Variants in FNBP1 observed in about 807,000 individuals in gnomAD.
The protein encoded by FNBP1 is formin binding protein 1.
FNBP1 carries 26 observed loss-of-function variants against 90.6 expected under a neutral mutation model. The ratio of observed to expected loss-of-function variants is 0.29; its 90% CI spans 0.21 to 0.40. The LOEUF is 0.40. Ranked by LOEUF, FNBP1 falls within the 10% of genes least tolerant of loss-of-function variation. FNBP1 has a pLI of 1.00. For synonymous variants in FNBP1, 260 were observed against 265.2 expected (o/e 0.98, Z 0.19); for missense variants, 635 against 768.0 (o/e 0.83, Z 2.05).
At chr9:130,037,128 A>G (rs552699) in intron 1 of FNBP1, among the ~76,000 whole-genome samples, 145,271 of 151,524 alleles carry the variant, frequency 0.96, 69,966 homozygotes, top group South Asian at 1. Context: ...AGGCAGAGGC[A>G]GGCAGATCAC....
chr9:129,921,176 A>G (rs2900283), intron 10 of FNBP1, among the ~76,000 whole-genome samples: 132,398 of 152,202 alleles, frequency 0.87, 57,662 homozygotes, highest in East Asian at 0.92. Context: ...TCATATTAAA[A>G]GAACTCTGCA....
At chr9:129,891,153 T>TC (rs113290032) in intron 16 of FNBP1, among the ~76,000 whole-genome samples, 74,727 of 135,340 alleles carry the variant, frequency 0.55, 20,554 homozygotes, top group East Asian at 0.81. Context: ...AGACTCCGTC[T>TC]TAAAAAAAAA....
intron 1 of FNBP1, among the ~76,000 whole-genome samples, chr9:130,035,022 G>T (rs774162557): frequency 6.6e-5 from 10 of 152,148 alleles, no homozygotes; most frequent in Non-Finnish European, 1.5e-4. Flanking sequence ...GGTGACATGT[G>T]CCTGTAATCC....
In FNBP1 at chr9:129,889,514, G is replaced by A. The variant is rs1380156429; in HGVS notation, c.*1025C>T. 5.3e-6 allele frequency: 1 copy of A among 190,204 alleles called. No individual in the cohort carries two copies. Among genetic ancestry groups the A allele is most frequent in the African/African-American group, 2.4e-5 (1 of 42,060 alleles). The allele number at this position is 190,204 out of a possible 1,614,324, so 11.8% of individuals were successfully genotyped here. A position where few individuals can be genotyped will look rare whatever the true frequency, so the allele number is the denominator to read the frequency against. On this transcript the variant is annotated 3_prime_UTR_variant, in exon 17 of 17. Coordinates refer to ENST00000446176, the MANE Select transcript of FNBP1 (RefSeq NM_015033.3). The stretch of plus-strand genomic sequence containing the variant: ...GAACCCAGGAGGTGGAGGTTGTAGT[G>A]AGCCGAGATCATGCCACTGCACTCC...
At chr9:129,937,724 C>T (rs2043694606) in intron 6 of FNBP1, among the ~76,000 whole-genome samples, 2 of 149,532 alleles carry the variant, frequency 1.3e-5, no homozygotes, top group South Asian at 2.1e-4. Context: ...AGTGAGACTC[C>T]GTCTCAAAAA....
At chr9:129,951,379 C>A (rs1321622070) in intron 6 of FNBP1, among the ~76,000 whole-genome samples, 1 of 151,994 alleles carries the variant, frequency 6.6e-6, no homozygotes, top group Admixed American at 6.6e-5. Context: ...CAGGTGTGAG[C>A]CATCATGCCC....
intron 4 of FNBP1, among the ~76,000 whole-genome samples, chr9:129,973,515 T>G (rs148725402): frequency 1.6e-4 from 25 of 152,290 alleles, no homozygotes; most frequent in East Asian, 1.5e-3. Flanking sequence ...TTGTTTGTTT[T>G]TTTGAGACGG....
chr9:129,997,618 G>A (rs1014131937), intron 1 of FNBP1, among the ~76,000 whole-genome samples: 2 of 152,176 alleles, frequency 1.3e-5, no homozygotes, highest in Admixed American at 6.5e-5. Context: ...GCACGACTTC[G>A]TCAAAGCCCT....
At chr9:129,921,209 CCCT>C (rs1471837878) in intron 10 of FNBP1, among the ~76,000 whole-genome samples, 1 of 151,882 alleles carries the variant, frequency 6.6e-6, no homozygotes, top group African/African-American at 2.4e-5. Context: ...TTGTTTTGTC[CCCT>C]ATTTTTAAAA....
chr9:129,899,238 C>G (rs2036390160), intron 15 of FNBP1, among the ~76,000 whole-genome samples: 1 of 151,882 alleles, frequency 6.6e-6, no homozygotes, highest in African/African-American at 2.4e-5. Context: ...CCAGCATGCC[C>G]AGCCAGTTTT....
upstream of FNBP1, among the ~76,000 whole-genome samples, chr9:130,043,597 G>A (rs931157240): frequency 6.6e-6 from 1 of 152,246 alleles, no homozygotes; most frequent in Non-Finnish European, 1.5e-5. Context: ...AGCAGAGTCA[G>A]CCCGGGAGGC....
chr9:129,998,733 G>C (rs1035497067), intron 1 of FNBP1, among the ~76,000 whole-genome samples: 2 of 152,028 alleles, frequency 1.3e-5, no homozygotes, highest in African/African-American at 4.8e-5. Flanking sequence ...AACAGCTTTC[G>C]ATACCAAAGC....
chr9:129,994,750 T>C (rs2053724529), intron 2 of FNBP1, 93 bp downstream of exon 2: 1 of 519,056 alleles, frequency 1.9e-6, no homozygotes. Flanking sequence ...AGGAAAAATA[T>C]TTAAAATATA....
chr9:130,000,266 G>A (rs1483816469), intron 1 of FNBP1, among the ~76,000 whole-genome samples: 4 of 152,152 alleles, frequency 2.6e-5, no homozygotes, highest in East Asian at 1.9e-4. Context: ...AGAAGCAGGC[G>A]GGTCGTCTGA....
At chr9:129,929,375 A>C (rs1428725460) in intron 7 of FNBP1, among the ~76,000 whole-genome samples, 192 bp downstream of exon 7, 1 of 135,636 alleles carries the variant, frequency 7.4e-6, no homozygotes, top group African/African-American at 2.8e-5. Context: ...GTGCCATTGC[A>C]CTCCAGCCTG....
intron 10 of FNBP1, chr9:129,919,221 T>C: frequency 2.3e-6 from 3 of 1,301,630 alleles, no homozygotes; most frequent in African/African-American, 1.5e-5. Flanking sequence ...ATGAGTTCTT[T>C]GTGAAAACAG....
In FNBP1 at chr9:129,978,466, G is replaced by A; in HGVS notation, c.344C>T (p.Ser115Leu). 1.9e-6 allele frequency: 3 copies of A among 1,612,766 alleles called. No homozygotes were observed. Among genetic ancestry groups the A allele is most frequent in the Non-Finnish European group, 2.5e-6 (3 of 1,179,106 alleles). ...GAAAAAGAATAAAGTTTTGCTTACTGATTTCCTCTCCTGTTTCAGTTCCTG... is the reference window on the plus strand; with the variant it reads ...GAAAAAGAATAAAGTTTTGCTTACTAATTTCCTCTCCTGTTTCAGTTCCTG... ...YVQELKQERK[S>L]NFHDGRKAQQ... Residue 115 changes from serine to leucine, a missense_variant and splice_region_variant, in exon 4 of 17, where the codon TCA becomes TTA. By Grantham distance (145) the Ser-to-Leu change is moderately radical. Transcript: ENST00000446176.
intron 1 of FNBP1, among the ~76,000 whole-genome samples, chr9:130,014,315 A>G (rs571374277): frequency 6.7e-6 from 1 of 148,970 alleles, no homozygotes; most frequent in South Asian, 2.1e-4. Flanking sequence ...GCAATGGCGC[A>G]ATCTCGGTTC....
At chr9:130,005,637 T>C (rs972987898) in intron 1 of FNBP1, among the ~76,000 whole-genome samples, 1 of 152,124 alleles carries the variant, frequency 6.6e-6, no homozygotes, top group Admixed American at 6.6e-5. Flanking sequence ...CACTGTGCCC[T>C]GCCAAATTGA....
Sources: allele counts gnomAD v4.1 joint callset (sites outside exome capture counted in the v4.1 genomes callset), GRCh38; gene constraint gnomAD v4.1.1; transcripts MANE v1.5; gene names NCBI Gene and HGNC (gene_info 2026-07-23, HGNC 2026-07-21).